The following ENPEP variants were observed in gnomAD, a reference collection of about 807,000 sequenced individuals.
The protein encoded by ENPEP is AP-A.
Under a neutral mutation model 114.5 loss-of-function variants are expected in ENPEP, and 103 were observed. The ratio of observed to expected loss-of-function variants is 0.90; its 90% CI spans 0.77 to 1.06. The LOEUF (loss-of-function observed/expected upper bound fraction) is 1.06, where lower values mean the gene tolerates loss of function less well. Ranked by LOEUF, ENPEP falls within the 50% of genes least tolerant of loss-of-function variation. ENPEP has a pLI of 0.00. For missense variants in ENPEP, 1,196 were observed against 1,161.3 expected (o/e 1.03, Z -0.43); for synonymous variants, 420 against 422.0 (o/e 1.00, Z 0.06).
chr4:110,491,591 C>A (rs939830040), intron 3 of ENPEP, among the ~76,000 whole-genome samples: 6 of 152,110 alleles, frequency 3.9e-5, no homozygotes, highest in Non-Finnish European at 7.4e-5. Context: ...TTTATGGCTC[C>A]ATTCCTATAT....
chr4:110,543,172 A>G lies in ENPEP; in HGVS notation c.2000+102A>G. The G allele has an allele frequency of 1.3e-5, 14 of 1,090,850 alleles. No homozygotes were observed. In the South Asian group the frequency reaches 1.9e-4, roughly 15 times the overall value. The allele number at this position is 1,090,850 out of a possible 1,614,324, so 67.6% of individuals were successfully genotyped here. A position where few individuals can be genotyped will look rare whatever the true frequency, so the allele number is the denominator to read the frequency against. ...TTGCAGTATTAATCAATTTTAGCTT[A>G]AAATATCCAAAGCCACTATTTAAAA... is the stretch of plus-strand genomic sequence containing the variant. On this transcript the variant is annotated intron_variant, in intron 13 of 19. Transcript: ENST00000265162.
chr4:110,518,914 A>G (rs1725879246), intron 8 of ENPEP: 1 of 356,856 alleles, frequency 2.8e-6, no homozygotes, highest in Non-Finnish European at 5.5e-6. Flanking sequence ...AGCTATGGTT[A>G]TAACTATTAC....
chr4:110,477,497 G>A (rs1724156325), intron 1 of ENPEP, among the ~76,000 whole-genome samples: 1 of 151,936 alleles, frequency 6.6e-6, no homozygotes, highest in Non-Finnish European at 1.5e-5. Context: ...GTAAATTTCA[G>A]TTATTATTTT....
chr4:110,544,651 C>G (rs940143930), intron 13 of ENPEP, among the ~76,000 whole-genome samples: 1 of 152,022 alleles, frequency 6.6e-6, no homozygotes, highest in Non-Finnish European at 1.5e-5. Flanking sequence ...TTTAAATTGT[C>G]CTGTTCCAAA....
intron 7 of ENPEP, among the ~76,000 whole-genome samples, chr4:110,514,338 GA>G (rs1184924949): frequency 6.6e-6 from 1 of 151,970 alleles, no homozygotes; most frequent in Non-Finnish European, 1.5e-5. Flanking sequence ...ATACTTGAGT[GA>G]AAAAGCTTCT....
At chr4:110,523,993 A>T (rs1726101767) in intron 10 of ENPEP, among the ~76,000 whole-genome samples, 1 of 152,202 alleles carries the variant, frequency 6.6e-6, no homozygotes, top group Admixed American at 6.5e-5. Context: ...GTTAAGACTA[A>T]AATTTATGAA....
At chr4:110,532,777 A>T (rs1726456628) in intron 11 of ENPEP, among the ~76,000 whole-genome samples, 1 of 152,168 alleles carries the variant, frequency 6.6e-6, no homozygotes, top group South Asian at 2.1e-4. Context: ...TATGTTAATA[A>T]TTATTGTAAT....
Position 110,531,183 on chromosome 4 carries a change from T to A in ENPEP, c.1728-15T>A, listed in dbSNP as rs1291327335. 7 of 1,409,002 alleles carry A rather than the reference T, an allele frequency of 5.0e-6. 1 individual carries two copies. The highest frequency in any genetic ancestry group is 5.2e-4 in the Middle Eastern group (2 of 3,858). The allele number at this position is 1,409,002 out of a possible 1,614,324, so 87.3% of individuals were successfully genotyped here. ...AGTAATAAAAGTTAAATTTTTCTTT[T>A]TAAAAAAATTTTAGTTATACATGGA... On this transcript the variant is annotated splice_polypyrimidine_tract_variant and intron_variant, in intron 10 of 19. Coordinates refer to ENST00000265162, the MANE Select transcript of ENPEP (RefSeq NM_001977.4).
rs114514205 is a variant in ENPEP, at chr4:110,498,691, T to C, written c.918+7527T>C. 6.0e-3 allele frequency among the ~76,000 whole-genome samples: 919 copies of C among 152,288 alleles called. 6 individuals carry two copies. Among genetic ancestry groups the C allele is most frequent in the African/African-American group, 0.021 (882 of 41,552 alleles). ...GGAATCATGCAGGGCCCTGCCTGGC[T>C]TCTGACCCAGGTGACGGTGGCAGTG... On this transcript the variant is annotated intron_variant, in intron 3 of 19. Coordinates refer to ENST00000265162, the MANE Select transcript of ENPEP (RefSeq NM_001977.4).
chr4:110,491,967 G>C (rs1025179502), intron 3 of ENPEP, among the ~76,000 whole-genome samples: 5 of 151,934 alleles, frequency 3.3e-5, no homozygotes. Flanking sequence ...GTGACCCACT[G>C]GCCTTGGCCC....
chr4:110,561,413 G>A lies in ENPEP; in HGVS notation c.2729G>A (p.Ser910Asn). The A allele has an allele frequency of 6.2e-7, 1 of 1,613,730 alleles. No individual in the cohort carries two copies. The highest frequency in any genetic ancestry group is 8.5e-7 in the Non-Finnish European group (1 of 1,179,898). ...CTCCCCTCTCTTTTCTAGATGGAGAGCTTTTTTGCAAAATATCCACAAGCT... is the reference window on the plus strand; with the variant it reads ...CTCCCCTCTCTTTTCTAGATGGAGAACTTTTTTGCAAAATATCCACAAGCT... Reference protein sequence around the residue: ...NTELQLWQMESFFAKYPQAGA... With the variant: ...NTELQLWQMENFFAKYPQAGA... Residue 910 changes from serine to asparagine, a missense_variant, in exon 20 of 20, where the codon AGC becomes AAC. Transcript: ENST00000265162.
chr4:110,511,161 C>A (rs763716209), intron 6 of ENPEP, among the ~76,000 whole-genome samples: 1 of 152,074 alleles, frequency 6.6e-6, no homozygotes, highest in African/African-American at 2.4e-5. Context: ...CTGGACAGAA[C>A]AAAAAAGTTA....
intron 18 of ENPEP, among the ~76,000 whole-genome samples, chr4:110,559,445 G>A (rs1354361993): frequency 6.6e-6 from 1 of 151,610 alleles, no homozygotes; most frequent in Non-Finnish European, 1.5e-5. Flanking sequence ...GTGTCAATTT[G>A]TCTACCAAAA....
At chr4:110,561,158 C>T (rs1727663343) in intron 19 of ENPEP, among the ~76,000 whole-genome samples, 1 of 152,172 alleles carries the variant, frequency 6.6e-6, no homozygotes, top group Admixed American at 6.5e-5. Flanking sequence ...TGACATGCTG[C>T]CATCCTTCTC....
At chr4:110,524,143 C>G (rs1726109019) in intron 10 of ENPEP, among the ~76,000 whole-genome samples, 1 of 151,910 alleles carries the variant, frequency 6.6e-6, no homozygotes, top group African/African-American at 2.4e-5. Flanking sequence ...CTCAATCACC[C>G]TCTTTTAATG....
chr4:110,558,139 G>A (rs935773868), intron 18 of ENPEP, among the ~76,000 whole-genome samples: 1 of 148,616 alleles, frequency 6.7e-6, no homozygotes, highest in African/African-American at 2.5e-5. Context: ...GGGATTACAA[G>A]GGCAAACCAT....
At chr4:110,500,070 C>T (rs1725095046) in intron 3 of ENPEP, 2 of 152,100 alleles carry the variant, frequency 1.3e-5, no homozygotes, top group East Asian at 1.9e-4. Context: ...TGCACAGCCT[C>T]ATTAAATTGT....
intron 18 of ENPEP, among the ~76,000 whole-genome samples, chr4:110,555,408 C>G (rs1727434522): frequency 6.6e-6 from 1 of 151,976 alleles, no homozygotes; most frequent in Admixed American, 6.6e-5. Context: ...TTTACTATCT[C>G]CATTTCTGAA....
At chr4:110,512,547 T>C (rs1011301539) in intron 6 of ENPEP, 13 of 152,228 alleles carry the variant, frequency 8.5e-5, no homozygotes, top group African/African-American at 2.9e-4. Context: ...CAATACAACA[T>C]ACTCCTGTTT....
Sources: allele counts gnomAD v4.1 joint callset (sites outside exome capture counted in the v4.1 genomes callset), GRCh38; gene constraint gnomAD v4.1.1; transcripts MANE v1.5; gene names NCBI Gene and HGNC (gene_info 2026-07-23, HGNC 2026-07-21).